PCDH9: variants seen among roughly 807,000 people sequenced by gnomAD.
The protein encoded by PCDH9 is protocadherin-9.
PCDH9 carries 24 observed loss-of-function variants against 70.6 expected under a neutral mutation model. The ratio of observed to expected loss-of-function variants is 0.34; its 90% CI spans 0.25 to 0.48. The LOEUF (loss-of-function observed/expected upper bound fraction) is 0.48, where lower values mean the gene tolerates loss of function less well. PCDH9 is among the 20% of genes least tolerant of loss of function. PCDH9 has a pLI of 0.99. For missense variants in PCDH9, 1,281 were observed against 1,503.6 expected, an observed-to-expected ratio of 0.85 and a Z score of 2.45; for synonymous variants, 562 against 558.5, an observed-to-expected ratio of 1.01 and a Z score of -0.09.
intron 3 of PCDH9, among the ~76,000 whole-genome samples, chr13:66,802,492 G>T (rs2080342480): frequency 6.6e-6 from 1 of 151,984 alleles, no homozygotes; most frequent in Non-Finnish European, 1.5e-5. Context: ...TACACATTTT[G>T]TACTGCATAT....
At chr13:66,958,468 G>A (rs371710050) in intron 2 of PCDH9, among the ~76,000 whole-genome samples, 62 of 152,298 alleles carry the variant, frequency 4.1e-4, no homozygotes, top group African/African-American at 1.4e-3. Flanking sequence ...GAAATAAACA[G>A]AATAGAGAAA....
chr13:66,698,942 TCTCA>T (rs1398380168), intron 3 of PCDH9, among the ~76,000 whole-genome samples: 84 of 140,262 alleles, frequency 6.0e-4, no homozygotes, highest in African/African-American at 2.2e-3. Flanking sequence ...TGAGATGGAG[TCTCA>T]CTCTGTCGTC....
At chr13:66,932,913 T>G (rs980577275) in intron 2 of PCDH9, among the ~76,000 whole-genome samples, 1 of 151,200 alleles carries the variant, frequency 6.6e-6, no homozygotes, top group African/African-American at 2.4e-5. Context: ...AATATTAACA[T>G]CATTTTTACA....
At chr13:66,778,607 A>G (rs1456402172) in intron 3 of PCDH9, among the ~76,000 whole-genome samples, 1 of 152,208 alleles carries the variant, frequency 6.6e-6, no homozygotes, top group Non-Finnish European at 1.5e-5. Flanking sequence ...CAAGAATTAC[A>G]CTGAGGTTAT....
At chr13:66,459,256 G>C (rs1457865635) in intron 4 of PCDH9, among the ~76,000 whole-genome samples, 1 of 151,910 alleles carries the variant, frequency 6.6e-6, no homozygotes. Context: ...ATACTCATAG[G>C]TTCTGCTTCA....
At chr13:66,892,427 A>T (rs1170604481) in intron 3 of PCDH9, among the ~76,000 whole-genome samples, 1 of 151,898 alleles carries the variant, frequency 6.6e-6, no homozygotes, top group Non-Finnish European at 1.5e-5. Flanking sequence ...ATGAAACTGG[A>T]GTGGCCTGAC....
intron 2 of PCDH9, among the ~76,000 whole-genome samples, chr13:66,989,649 G>A (rs1234720261): frequency 6.6e-6 from 1 of 151,682 alleles, no homozygotes; most frequent in South Asian, 2.1e-4. Flanking sequence ...CATGAATAAT[G>A]AACTAACGAT....
At chr13:67,063,182 C>T (rs1463543667) in intron 2 of PCDH9, among the ~76,000 whole-genome samples, 1 of 152,040 alleles carries the variant, frequency 6.6e-6, no homozygotes, top group Admixed American at 6.6e-5. Context: ...AAGTACTACC[C>T]GTAACATTGC....
rs184779816 is a variant in PCDH9, at chr13:66,470,479, C to T, written c.3340+160731G>A. 7.2e-5 allele frequency among the ~76,000 whole-genome samples: 11 copies of T among 152,148 alleles called. No individual in the cohort carries two copies. In the East Asian group the frequency reaches 7.8e-4, roughly 11 times the overall value. On this transcript the variant is annotated intron_variant, in intron 4 of 4. Transcript: ENST00000377865. ...TACTCTGAAAATCTCAAAGTGTTAA[C>T]GCATCTTTGAAAAGTGAAATATTGC...
intron 2 of PCDH9, among the ~76,000 whole-genome samples, chr13:66,965,252 T>G (rs1410794796): frequency 1.5e-4 from 23 of 152,128 alleles, no homozygotes; most frequent in Admixed American, 1.5e-3. Flanking sequence ...CTTCAGCCAG[T>G]GTAGCCCTTT....
chr13:66,509,485 A>T (rs1371272499), intron 4 of PCDH9, among the ~76,000 whole-genome samples: 1 of 152,158 alleles, frequency 6.6e-6, no homozygotes, highest in Admixed American at 6.5e-5. Context: ...CATCCCACTG[A>T]TCAACTTCCC....
At chr13:66,353,665 C>T (rs192736772) in intron 4 of PCDH9, among the ~76,000 whole-genome samples, 3 of 152,200 alleles carry the variant, frequency 2.0e-5, no homozygotes, top group East Asian at 3.9e-4. Context: ...TTAAACTACA[C>T]TCATTTCAAC....
chr13:67,085,803 A>G (rs2086095395), intron 2 of PCDH9, among the ~76,000 whole-genome samples: 1 of 152,204 alleles, frequency 6.6e-6, no homozygotes, highest in Non-Finnish European at 1.5e-5. Flanking sequence ...AGTGGATGGT[A>G]AATAGATCTT....
At chr13:66,420,840 A>G (rs1957554108) in intron 4 of PCDH9, among the ~76,000 whole-genome samples, 1 of 152,104 alleles carries the variant, frequency 6.6e-6, no homozygotes, top group Non-Finnish European at 1.5e-5. Flanking sequence ...GAGTTTGACT[A>G]ATTGACAGAA....
At chr13:66,406,402 G>A (rs193132948) in intron 4 of PCDH9, among the ~76,000 whole-genome samples, 1 of 152,250 alleles carries the variant, frequency 6.6e-6, no homozygotes, top group Admixed American at 6.5e-5. Flanking sequence ...TGTAAAAACT[G>A]CTCCTGTTAC....
At chr13:66,390,732 T>C (rs1441625014) in intron 4 of PCDH9, among the ~76,000 whole-genome samples, 1 of 92,032 alleles carries the variant, frequency 1.1e-5, no homozygotes, top group East Asian at 4.2e-4. Context: ...TGGAGTCATC[T>C]CAAAAAAAAA....
At chr13:66,476,841 G>A (rs1958740465) in intron 4 of PCDH9, among the ~76,000 whole-genome samples, 1 of 152,034 alleles carries the variant, frequency 6.6e-6, no homozygotes, top group South Asian at 2.1e-4. Context: ...TGGTACTAAT[G>A]TTGCTTCAAC....
chr13:66,785,201 C>T (rs1374930317), intron 3 of PCDH9, among the ~76,000 whole-genome samples: 1 of 151,854 alleles, frequency 6.6e-6, no homozygotes, highest in East Asian at 1.9e-4. Flanking sequence ...CTTTACATAT[C>T]CATTGGATAT....
chr13:67,114,131 A>G (rs1299608320), intron 2 of PCDH9, among the ~76,000 whole-genome samples: 3 of 152,202 alleles, frequency 2.0e-5, no homozygotes, highest in Admixed American at 2.0e-4. Context: ...AAAATCATCA[A>G]TTGATTATAT....
Sources: allele counts gnomAD v4.1 joint callset (sites outside exome capture counted in the v4.1 genomes callset), GRCh38; gene constraint gnomAD v4.1.1; transcripts MANE v1.5; gene names NCBI Gene and HGNC (gene_info 2026-07-23, HGNC 2026-07-21).